TPO: variants seen among roughly 807,000 people sequenced by gnomAD.
TPO encodes thyroid microsomal antigen.
TPO carries 78 observed loss-of-function variants against 96.9 expected under a neutral mutation model. The observed-to-expected ratio is 0.81, with a 90% confidence interval of 0.67 to 0.97. The LOEUF is 0.97. Among genes scored for constraint, TPO ranks in the 50% least tolerant of loss-of-function variants. TPO has a pLI of 0.00. For synonymous variants in TPO, 547 were observed against 538.0 expected (o/e 1.02, Z -0.23); for missense variants, 1,252 against 1,274.8 (o/e 0.98, Z 0.27).
At chr2:1,494,391 C>T (rs753302774) in intron 11 of TPO, among the ~76,000 whole-genome samples, 1 of 152,256 alleles carries the variant, frequency 6.6e-6, no homozygotes, top group African/African-American at 2.4e-5. Context: ...CCCGGGAAAG[C>T]GCAGAGGTGG....
chr2:1,535,579 C>A (rs1332888360), intron 15 of TPO, among the ~76,000 whole-genome samples: 1 of 18,058 alleles, frequency 5.5e-5, no homozygotes. Context: ...CCCCAAATCC[C>A]CCCACTGCGA....
At chr2:1,376,139 T>A (rs1023247349) in intron 1 of TPO, among the ~76,000 whole-genome samples, 2 of 152,172 alleles carry the variant, frequency 1.3e-5, no homozygotes, top group African/African-American at 4.8e-5. Flanking sequence ...ATTTTCTTCG[T>A]AAATCCAAAT....
intron 1 of TPO, among the ~76,000 whole-genome samples, chr2:1,375,177 GC>G (rs1661704077): frequency 6.6e-6 from 1 of 152,002 alleles, no homozygotes; most frequent in African/African-American, 2.4e-5. Context: ...ACCACGCATT[GC>G]TTAGGGCTGA....
intron 15 of TPO, among the ~76,000 whole-genome samples, chr2:1,522,669 T>C (rs1573528927): frequency 6.6e-6 from 1 of 152,078 alleles, no homozygotes; most frequent in Admixed American, 6.5e-5. Flanking sequence ...CTTCGAATGT[T>C]CAAGTCTGAC....
At chr2:1,486,158 C>T (rs1482200736) in intron 9 of TPO, among the ~76,000 whole-genome samples, 2 of 152,150 alleles carry the variant, frequency 1.3e-5, no homozygotes. Flanking sequence ...TCCGTATGGG[C>T]ACACTTGCTG....
In TPO at chr2:1,477,347, C is replaced by T; in HGVS notation, c.1081C>T (p.Arg361Cys). Reference sequence around the variant, plus strand: ...CCACGCGCGCCTCCGGGACTCCGGCCGCGCCTACCTGCCCTTCGTGCCGCC... The same window carrying T: ...CCACGCGCGCCTCCGGGACTCCGGCTGCGCCTACCTGCCCTTCGTGCCGCC... ...RVHARLRDSG[R>C]AYLPFVPPRA... Residue 361 changes from arginine (R) to cysteine (C), a missense_variant, in exon 8 of 17, where the codon CGC becomes TGC. Coordinates refer to ENST00000329066, the MANE Select transcript of TPO (RefSeq NM_001206744.2). The T allele has an allele frequency of 6.5e-7, 1 of 1,549,180 alleles. No homozygotes were observed. Among genetic ancestry groups the T allele is most frequent in the Non-Finnish European group, 8.7e-7 (1 of 1,145,530 alleles).
At chr2:1,423,999 T>C (rs1182594628) in intron 3 of TPO, among the ~76,000 whole-genome samples, 1 of 152,146 alleles carries the variant, frequency 6.6e-6, no homozygotes, top group Non-Finnish European at 1.5e-5. Context: ...TAGTAACAAT[T>C]TGTGAACCCA....
chr2:1,425,120 G>T (rs1243242348), intron 3 of TPO, among the ~76,000 whole-genome samples: 1 of 140,086 alleles, frequency 7.1e-6, no homozygotes, highest in African/African-American at 2.7e-5. Flanking sequence ...CTCCTTCTAT[G>T]CAGTCATTGT....
At chr2:1,538,645 T>TTAAGACATGGTTGCTTCAGGTGGC (rs1351381547) in intron 15 of TPO, among the ~76,000 whole-genome samples, 1 of 152,210 alleles carries the variant, frequency 6.6e-6, no homozygotes, top group Admixed American at 6.5e-5. Context: ...ACATGCTCTG[T>TTAAGACATGGTTGCTTCAGGTGGC]TAAGACATGG....
chr2:1,490,621 A>G (rs1671690755), intron 10 of TPO, among the ~76,000 whole-genome samples: 1 of 152,218 alleles, frequency 6.6e-6, no homozygotes, highest in African/African-American at 2.4e-5. Flanking sequence ...TAAAAGATGG[A>G]TCGAGAGACT....
intron 15 of TPO, among the ~76,000 whole-genome samples, chr2:1,535,685 C>G (rs569002501): frequency 2.1e-5 from 2 of 94,972 alleles, no homozygotes; most frequent in African/African-American, 7.5e-5. Flanking sequence ...GCAACCTCCC[C>G]ACATGCCCCC....
At chr2:1,474,771 G>A (rs184719930) in intron 7 of TPO, among the ~76,000 whole-genome samples, 61 of 152,268 alleles carry the variant, frequency 4.0e-4, no homozygotes, top group African/African-American at 1.4e-3. Flanking sequence ...CCTGAGCCCT[G>A]CTCCTTTCTC....
chr2:1,539,394 C>G (rs956888401), intron 15 of TPO, among the ~76,000 whole-genome samples: 5 of 151,908 alleles, frequency 3.3e-5, no homozygotes, highest in Non-Finnish European at 7.4e-5. Flanking sequence ...CACCCCAGCC[C>G]CCCTCGGTGA....
intron 3 of TPO, among the ~76,000 whole-genome samples, chr2:1,427,752 CT>C (rs1037685707): frequency 1.3e-5 from 2 of 152,188 alleles, no homozygotes; most frequent in Admixed American, 1.3e-4. Context: ...CATGATCTGT[CT>C]GGGCTCACAC....
chr2:1,445,977 T>C (rs987448842), intron 5 of TPO, among the ~76,000 whole-genome samples: 8 of 152,202 alleles, frequency 5.3e-5, no homozygotes, highest in Non-Finnish European at 1.2e-4. Flanking sequence ...GTTGGATAAG[T>C]GGCACAGTGG....
intron 15 of TPO, among the ~76,000 whole-genome samples, chr2:1,540,258 G>A (rs1368375320): frequency 6.6e-6 from 1 of 152,158 alleles, no homozygotes; most frequent in African/African-American, 2.4e-5. Context: ...TCTGTCATTT[G>A]GATGCGTCTC....
At chr2:1,487,472 C>A (rs1041709337) in intron 9 of TPO, among the ~76,000 whole-genome samples, 1 of 152,198 alleles carries the variant, frequency 6.6e-6, no homozygotes, top group Non-Finnish European at 1.5e-5. Context: ...CGGTGGCTCA[C>A]GCCTGTAATC....
intron 7 of TPO, among the ~76,000 whole-genome samples, chr2:1,472,163 G>A (rs1326198325): frequency 6.7e-6 from 1 of 150,076 alleles, no homozygotes; most frequent in Non-Finnish European, 1.5e-5. Flanking sequence ...TGATCCAAAT[G>A]CTCATGGCAT....
chr2:1,422,984 C>T (rs1050216720), intron 2 of TPO, 61 bp from the exon 3 acceptor site: 28 of 1,567,420 alleles, frequency 1.8e-5, no homozygotes, highest in African/African-American at 4.1e-5. Context: ...AACAAAGCAA[C>T]ACTGTCAGTG....
Sources: gnomAD v4.1 joint callset for allele counts (sites outside exome capture counted in the v4.1 genomes callset) on GRCh38, gnomAD v4.1.1 for gene constraint, MANE v1.5 for transcripts, NCBI Gene and HGNC (gene_info 2026-07-23, HGNC 2026-07-21) for gene names.